SPATA13: variants seen among roughly 807,000 people sequenced by gnomAD.
The protein encoded by SPATA13 is spermatogenesis associated 13, also known as spermatogenesis-associated protein 13.
Under a neutral mutation model 104.0 loss-of-function variants are expected in SPATA13, and 50 were observed. The observed-to-expected ratio is 0.48, with a 90% CI of 0.38 to 0.61. SPATA13 has a LOEUF of 0.61. Among genes scored for constraint, SPATA13 ranks in the 20% least tolerant of loss-of-function variants. The probability of loss-of-function intolerance (pLI) is 0.00; values close to 1 mark genes in which losing one functional copy is unlikely to be tolerated. For synonymous variants in SPATA13, 606 were observed against 667.5 expected, an observed-to-expected ratio of 0.91 and a Z score of 1.42; for missense variants, 1,524 against 1,690.6, an observed-to-expected ratio of 0.90 and a Z score of 1.73.
Position 24,265,184 on chromosome 13 carries a change from G to C in SPATA13, c.2164+13322G>C, listed in dbSNP as rs117690979. ...TGGGGCCCGCCCCTCCTGTGGTGAA[G>C]AGTCTGTGGCTGCTGAGTGGCATTT... is the stretch of plus-strand genomic sequence containing the variant. On this transcript the variant is annotated intron_variant, in intron 4 of 12. Coordinates refer to ENST00000382108, the MANE Select transcript of SPATA13 (RefSeq NM_001166271.3). 5.8e-3 allele frequency among the ~76,000 whole-genome samples: 879 copies of C among 152,318 alleles called. 49 individuals are homozygous for C. In the East Asian group the frequency reaches 0.12, roughly 21 times the overall value.
intron 3 of SPATA13, among the ~76,000 whole-genome samples, chr13:24,068,725 G>A (rs888264537): frequency 2.6e-5 from 4 of 152,130 alleles, no homozygotes; most frequent in African/African-American, 9.7e-5. Context: ...GGCATGAGAT[G>A]GTATCTCATG....
At chr13:24,049,631 A>T (rs1199145088) in intron 3 of SPATA13, among the ~76,000 whole-genome samples, 1 of 152,152 alleles carries the variant, frequency 6.6e-6, no homozygotes, top group Non-Finnish European at 1.5e-5. Context: ...AGGCCTGTAT[A>T]GGGAGTCTGT....
rs71070678 is a variant in SPATA13, at chr13:24,302,459, C to CAAAAA, written c.3659-113_3659-109dup. Reference sequence around the variant, plus strand: ...CCTGGGTGACAGTAAGACCCTGTCTCAAAAAAAAAAAAAAAAAAAAAAAAA... The same window carrying CAAAAA: ...CCTGGGTGACAGTAAGACCCTGTCTCAAAAAAAAAAAAAAAAAAAAAAAAAAAAAA... On this transcript the variant is annotated intron_variant, in intron 12 of 12. Coordinates refer to ENST00000382108, the MANE Select transcript of SPATA13 (RefSeq NM_001166271.3). 8.2e-4 allele frequency: 160 copies of CAAAAA among 194,068 alleles called. 2 individuals are homozygous for CAAAAA. The highest frequency in any genetic ancestry group is 1.1e-3 in the Non-Finnish European group (122 of 109,118). The allele number at this position is 194,068 out of a possible 1,614,324, so 12.0% of individuals were successfully genotyped here. A position where few individuals can be genotyped will look rare whatever the true frequency, so the allele number is the denominator to read the frequency against.
chr13:23,980,146 C>T (rs1355457121), intron 1 of SPATA13, among the ~76,000 whole-genome samples: 1 of 151,962 alleles, frequency 6.6e-6, no homozygotes, highest in Non-Finnish European at 1.5e-5. Context: ...GCCGAGATCG[C>T]GCCACTCCAT....
chr13:24,232,121 G>C (rs528091547), intron 2 of SPATA13, among the ~76,000 whole-genome samples: 3 of 152,372 alleles, frequency 2.0e-5, no homozygotes, highest in South Asian at 2.1e-4. Flanking sequence ...GCCATCTGCA[G>C]CCTGGAGAAC....
rs1354812010 is a variant in SPATA13, at chr13:24,161,183, G to A, written c.-112+251G>A. On this transcript the variant is annotated intron_variant, in intron 1 of 12. Coordinates refer to ENST00000382108, the MANE Select transcript of SPATA13 (RefSeq NM_001166271.3). This position sits in a 1 kb window ranked among gnomAD's most constrained non-coding sequence, Gnocchi z 4.5. ...CACCCGGCACCATCGCTTTTGGGAG[G>A]ACATGCACGTGGTGTTCTCGCAAAA... is the stretch of plus-strand genomic sequence containing the variant. Among the ~76,000 whole-genome samples, 1 of 152,048 alleles carries A rather than the reference G, an allele frequency of 6.6e-6. No individual in the cohort carries two copies. Among genetic ancestry groups the A allele is most frequent in the Admixed American group, 6.5e-5 (1 of 15,276 alleles).
chr13:24,222,861 T>C lies in SPATA13; in HGVS notation c.-69T>C. The C allele has an allele frequency of 6.5e-7, 1 of 1,541,488 alleles. No individual in the cohort carries two copies. Among genetic ancestry groups the C allele is most frequent in the Non-Finnish European group, 8.8e-7 (1 of 1,140,996 alleles). ...GCCCGATGTGCAAGGCAGGTGTGAGTGCCAGGACGGCATTCCTGGAGATGA... is the reference window on the plus strand; with the variant it reads ...GCCCGATGTGCAAGGCAGGTGTGAGCGCCAGGACGGCATTCCTGGAGATGA... On this transcript the variant is annotated 5_prime_UTR_variant, in exon 2 of 13. Coordinates refer to ENST00000382108, the MANE Select transcript of SPATA13 (RefSeq NM_001166271.3).
chr13:24,154,212 C>A (rs4347484), intron 3 of SPATA13, among the ~76,000 whole-genome samples: 28,031 of 152,058 alleles, frequency 0.18, 3,253 homozygotes, highest in East Asian at 0.64. Context: ...AAATACCCAA[C>A]AAGAGTGTGA....
At chr13:24,272,339 C>T (rs1206234402) in intron 4 of SPATA13, among the ~76,000 whole-genome samples, 4 of 152,220 alleles carry the variant, frequency 2.6e-5, no homozygotes, top group African/African-American at 9.6e-5. Context: ...CGGCCTTGAC[C>T]CTCTACAGCA....
At chr13:24,183,210 G>C (rs1868922545) in intron 1 of SPATA13, among the ~76,000 whole-genome samples, 1 of 152,138 alleles carries the variant, frequency 6.6e-6, no homozygotes, top group African/African-American at 2.4e-5. Context: ...ATTTGGCAGA[G>C]GGCTGAATTT....
chr13:24,216,436 C>T (rs543687299), intron 1 of SPATA13, among the ~76,000 whole-genome samples: 28 of 152,330 alleles, frequency 1.8e-4, no homozygotes, highest in South Asian at 8.3e-4. Context: ...GACAATCACA[C>T]GCTTGTATGA....
rs1431569998 is a variant in SPATA13, at chr13:24,011,713, T to C, written c.-146-5954T>C. ...TACTAGTTAAGCAGGAGCCTGGGAG[T>C]CTCCAACATCCTTCCTGGCAGGGGG... On this transcript the variant is annotated intron_variant, in intron 2 of 14. Coordinates refer to the SPATA13 transcript ENST00000424834. This position sits in a 1 kb window ranked among gnomAD's most constrained non-coding sequence, Gnocchi z 4.3. 6.6e-6 allele frequency among the ~76,000 whole-genome samples: 1 copy of C among 152,018 alleles called. No homozygotes were observed. Among genetic ancestry groups the C allele is most frequent in the African/African-American group, 2.4e-5 (1 of 41,392 alleles).
chr13:24,292,928 G>A (rs764292582), intron 9 of SPATA13, among the ~76,000 whole-genome samples: 3 of 145,578 alleles, frequency 2.1e-5, no homozygotes, highest in Admixed American at 7.0e-5. Flanking sequence ...CCCAGGAGGC[G>A]GAGGTTGCAA....
intron 3 of SPATA13, among the ~76,000 whole-genome samples, chr13:24,060,617 A>C (rs561214592): frequency 1.3e-5 from 2 of 152,278 alleles, no homozygotes; most frequent in Non-Finnish European, 2.9e-5. Context: ...TCTGCACAGC[A>C]AAAGAAACTA....
At chr13:24,077,262 C>CAAAAAAAAAAAAAAAA in intron 3 of SPATA13, among the ~76,000 whole-genome samples, 1 of 73,040 alleles carries the variant, frequency 1.4e-5, no homozygotes, top group Non-Finnish European at 2.5e-5. Context: ...GACTCCATGT[C>CAAAAAAAAAAAAAAAA]AAAAAAAAAA....
In SPATA13 at chr13:24,198,724, G is replaced by A. The variant is rs538819136; in HGVS notation, c.-111-24095G>A. ...TTGTTCTTTCTGCCAAGTCTGGGTC[G>A]TCCTGTGAGGGCTATCCCACGTGCT... is the stretch of plus-strand genomic sequence containing the variant. On this transcript the variant is annotated intron_variant, in intron 1 of 12. Coordinates refer to ENST00000382108, the MANE Select transcript of SPATA13 (RefSeq NM_001166271.3). 1.4e-4 allele frequency among the ~76,000 whole-genome samples: 22 copies of A among 152,220 alleles called. No homozygotes were observed. In the South Asian group the frequency reaches 3.1e-3, roughly 22 times the overall value.
At chr13:24,053,260 G>C (rs542832789) in intron 3 of SPATA13, among the ~76,000 whole-genome samples, 2 of 152,180 alleles carry the variant, frequency 1.3e-5, no homozygotes, top group South Asian at 4.1e-4. Flanking sequence ...GCTAGGATTC[G>C]GCCTCAGTGC....
chr13:24,232,266 G>A (rs942416843), intron 2 of SPATA13, among the ~76,000 whole-genome samples: 1 of 152,220 alleles, frequency 6.6e-6, no homozygotes, highest in Admixed American at 6.5e-5. Context: ...AGGAGAAGGT[G>A]GATGTCTGCC....
chr13:24,026,643 T>G (rs757880698), intron 3 of SPATA13, among the ~76,000 whole-genome samples: 8 of 152,228 alleles, frequency 5.3e-5, no homozygotes. Flanking sequence ...AGTGGTGTGA[T>G]CTCAGCTCAC....
Sources: allele counts gnomAD v4.1 joint callset (sites outside exome capture counted in the v4.1 genomes callset), GRCh38; gene constraint gnomAD v4.1.1; non-coding constraint Gnocchi (gnomAD v3.1); transcripts MANE v1.5; gene names NCBI Gene and HGNC (gene_info 2026-07-23, HGNC 2026-07-21).